ADGRD1: variants seen among roughly 807,000 people sequenced by gnomAD.
ADGRD1 encodes G-protein coupled receptor 133.
A neutral mutation model predicts 113.4 loss-of-function variants in ADGRD1; 77 were observed. That is an observed-to-expected ratio of 0.68 (90% CI 0.57 to 0.82). The LOEUF (loss-of-function observed/expected upper bound fraction) is 0.82. ADGRD1 is among the 40% of genes least tolerant of loss of function. The pLI is 0.00. For missense variants in ADGRD1, 1,036 were observed against 1,139.1 expected, an observed-to-expected ratio of 0.91 and a Z score of 1.30; for synonymous variants, 474 against 475.0, an observed-to-expected ratio of 1.00 and a Z score of 0.03.
At chr12:130,987,750 C>T (rs1388193339) in intron 6 of ADGRD1, 6 of 235,630 alleles carry the variant, frequency 2.5e-5, no homozygotes, top group East Asian at 2.0e-4. Context: ...GGCAGTTGTT[C>T]GGGGCAGGGG....
chr12:131,123,715 G>C (rs988659183), intron 20 of ADGRD1, among the ~76,000 whole-genome samples: 6 of 152,070 alleles, frequency 3.9e-5, no homozygotes, highest in East Asian at 3.9e-4. Context: ...CCAGCTACTC[G>C]GGAGGCTGAG....
At chr12:131,062,028 T>TG (rs1884370035) in intron 13 of ADGRD1, among the ~76,000 whole-genome samples, 1 of 152,120 alleles carries the variant, frequency 6.6e-6, no homozygotes, top group Non-Finnish European at 1.5e-5. Context: ...TTTGTTTGTT[T>TG]TTTGTTTTTT....
chr12:131,119,287 G>A (rs1365364782), intron 19 of ADGRD1, among the ~76,000 whole-genome samples: 6 of 152,196 alleles, frequency 3.9e-5, no homozygotes, highest in Admixed American at 2.0e-4. Context: ...CCTTTTCCAC[G>A]TTGGTGCAGG....
chr12:131,122,577 A>T (rs2136060699), intron 20 of ADGRD1, among the ~76,000 whole-genome samples: 1 of 152,370 alleles, frequency 6.6e-6, no homozygotes, highest in East Asian at 1.9e-4. Flanking sequence ...GACTCCAGTC[A>T]TCAAACTCCT....
intron 13 of ADGRD1, among the ~76,000 whole-genome samples, chr12:131,053,771 G>A (rs1408458579): frequency 6.6e-6 from 1 of 152,204 alleles, no homozygotes; most frequent in Non-Finnish European, 1.5e-5. Flanking sequence ...TAGGGGGTGT[G>A]CTTGGGAATG....
At chr12:130,973,926 T>G (rs1351135394) in intron 4 of ADGRD1, among the ~76,000 whole-genome samples, 1 of 152,048 alleles carries the variant, frequency 6.6e-6, no homozygotes, top group African/African-American at 2.4e-5. Context: ...TGTCTCTAAC[T>G]TAAAGAAAAA....
At chr12:131,126,821 G>A (rs1950747171) in intron 20 of ADGRD1, among the ~76,000 whole-genome samples, 1 of 152,202 alleles carries the variant, frequency 6.6e-6, no homozygotes, top group African/African-American at 2.4e-5. Flanking sequence ...TACTCACACT[G>A]TACATGCCTC....
rs548015976 is a variant in ADGRD1 at position 131,057,590 on chromosome 12, G to A, written c.1474-19211G>A. 6.6e-6 allele frequency among the ~76,000 whole-genome samples: 1 copy of A among 152,218 alleles called. No homozygotes were observed. Among genetic ancestry groups the A allele is most frequent in the South Asian group, 2.1e-4 (1 of 4,812 alleles). On this transcript the variant is annotated intron_variant, in intron 13 of 24. Coordinates refer to ENST00000261654, the MANE Select transcript of ADGRD1 (RefSeq NM_198827.5). The surrounding 1 kb of genome is among the most constrained non-coding windows in gnomAD (Gnocchi z 4.2). ...GGCAGCCAACTCCAGTCTCTGCCCC[G>A]TCTCCCCACGGCCTCCTCTTCCGTG...
Position 131,139,735 on chromosome 12 carries a change from G to T in ADGRD1, c.*472G>T. On this transcript the variant is annotated 3_prime_UTR_variant, in exon 25 of 25. Coordinates refer to ENST00000261654, the MANE Select transcript of ADGRD1 (RefSeq NM_198827.5). ...CAGGCGCAGGCAGCTGGGGGTGTGT[G>T]GGGAAGAGCATGCGGAGTCCCCAGT... 6.3e-6 allele frequency: 1 copy of T among 157,964 alleles called. No individual in the cohort carries two copies. Among genetic ancestry groups the T allele is most frequent in the Non-Finnish European group, 1.4e-5 (1 of 71,500 alleles). 9.8% of individuals were successfully genotyped at this position (157,964 alleles called of 1,614,324 possible). A position where few individuals can be genotyped will look rare whatever the true frequency, so the allele number is the denominator to read the frequency against.
intron 9 of ADGRD1, chr12:131,002,876 T>A: frequency 8.6e-7 from 1 of 1,163,938 alleles, no homozygotes; most frequent in Non-Finnish European, 1.1e-6. Context: ...GGTCCCTCTG[T>A]GAGTTCAGGG....
chr12:130,973,135 G>A (rs902903153), intron 4 of ADGRD1: 5 of 152,138 alleles, frequency 3.3e-5, no homozygotes, highest in Admixed American at 1.3e-4. Context: ...GAGCTAAGTC[G>A]CGGTGGCCCT....
At chr12:131,042,297 C>G (rs1882213803) in intron 13 of ADGRD1, among the ~76,000 whole-genome samples, 2 of 152,194 alleles carry the variant, frequency 1.3e-5, no homozygotes, top group Admixed American at 6.5e-5. Flanking sequence ...TGGCATCATC[C>G]CGACAAGCCT....
At chr12:130,989,833 C>T (rs79387494) in intron 6 of ADGRD1, 13,678 of 152,338 alleles carry the variant, frequency 0.09, 800 homozygotes, top group Middle Eastern at 0.15. Context: ...GTCACCCTGG[C>T]CAGGTGTCCC....
chr12:131,045,882 AT>A (rs1882649527), intron 13 of ADGRD1, among the ~76,000 whole-genome samples: 2 of 150,306 alleles, frequency 1.3e-5, no homozygotes, highest in African/African-American at 4.9e-5. Flanking sequence ...CCTTGTCCAT[AT>A]CCTTCCTGGT....
At chr12:130,990,375 C>T (rs986610609) in intron 6 of ADGRD1, 3 of 152,264 alleles carry the variant, frequency 2.0e-5, no homozygotes, top group African/African-American at 7.2e-5. Flanking sequence ...GTGTTCTCAT[C>T]AGGAAATAGT....
At chr12:131,063,280 T>G (rs1226264717) in intron 13 of ADGRD1, among the ~76,000 whole-genome samples, 2 of 152,206 alleles carry the variant, frequency 1.3e-5, no homozygotes, top group African/African-American at 4.8e-5. Context: ...CAAGAGTTTT[T>G]CACAAAGCTG....
chr12:131,092,416 A>G (rs755113661), intron 15 of ADGRD1, among the ~76,000 whole-genome samples: 4 of 152,150 alleles, frequency 2.6e-5, no homozygotes, highest in East Asian at 1.9e-4. Flanking sequence ...CTGGTTGTCT[A>G]AGGTGGGAGA....
At chr12:130,999,841 C>G (rs533287471) in intron 8 of ADGRD1, among the ~76,000 whole-genome samples, 98 of 152,276 alleles carry the variant, frequency 6.4e-4, no homozygotes, top group Non-Finnish European at 1.1e-3. Context: ...ATTTAAGTCT[C>G]CTGATTAGGA....
At chr12:130,974,909 C>T (rs1872131397) in intron 4 of ADGRD1, among the ~76,000 whole-genome samples, 2 of 152,080 alleles carry the variant, frequency 1.3e-5, no homozygotes, top group South Asian at 2.1e-4. Flanking sequence ...ACTGTGGGTC[C>T]TGTCTTTTGG....
Sources: gnomAD v4.1 joint callset for allele counts (sites outside exome capture counted in the v4.1 genomes callset) on GRCh38, gnomAD v4.1.1 for gene constraint, Gnocchi (gnomAD v3.1) non-coding constraint, MANE v1.5 for transcripts, NCBI Gene and HGNC (gene_info 2026-07-23, HGNC 2026-07-21) for gene names.